SLC36A1: variants seen among roughly 807,000 people sequenced by gnomAD.
SLC36A1 encodes solute carrier family 36 member 1, also known as proton-coupled amino acid transporter 1.
SLC36A1 carries 30 observed loss-of-function variants against 47.5 expected under a neutral mutation model. The ratio of observed to expected loss-of-function variants is 0.63; its 90% CI spans 0.47 to 0.86. The LOEUF (loss-of-function observed/expected upper bound fraction) is 0.86. SLC36A1 is among the 40% of genes least tolerant of loss of function. The probability of loss-of-function intolerance (pLI) is 0.00; values close to 1 mark genes in which losing one functional copy is unlikely to be tolerated. For synonymous variants in SLC36A1, 255 were observed against 249.7 expected, an observed-to-expected ratio of 1.02 and a Z score of -0.20; for missense variants, 517 against 606.0, an observed-to-expected ratio of 0.85 and a Z score of 1.54.
At chr5:151,537,693 GTGAATTCC>G in the SLC36A1 span, 1 of 1,206,194 alleles carries the variant, frequency 8.3e-7, no homozygotes, top group Non-Finnish European at 1.2e-6. Context: ...TGATAGATGA[GTGAATTCC>G]TGTTTCTTCT....
the SLC36A1 span, chr5:151,544,587 T>C: frequency 2.4e-5 from 39 of 1,613,972 alleles, no homozygotes; most frequent in Admixed American, 1.7e-5. Context: ...TATTTTCAGG[T>C]ACTCTGACTT....
the SLC36A1 span, chr5:151,521,829 G>A: frequency 1.2e-5 from 19 of 1,614,174 alleles, no homozygotes; most frequent in East Asian, 2.2e-5. Context: ...CCTGGGCGGC[G>A]ATAATCTTGC....
the SLC36A1 span, chr5:151,550,536 C>A: frequency 1.9e-6 from 3 of 1,578,412 alleles, no homozygotes; most frequent in Middle Eastern, 1.7e-4. Flanking sequence ...AGCATGTCCA[C>A]CCCTACACAT....
chr5:151,402,895 C>G, the SLC36A1 span, among the ~76,000 whole-genome samples: 1 of 152,048 alleles, frequency 6.6e-6, no homozygotes, highest in Non-Finnish European at 1.5e-5. Flanking sequence ...GGTCTTCTCT[C>G]TTTTTCATTA....
intron 6 of SLC36A1, 134 bp downstream of exon 6, chr5:151,467,417 C>T (rs1756592726): frequency 1.5e-6 from 1 of 680,846 alleles, no homozygotes; most frequent in African/African-American, 1.8e-5. Flanking sequence ...TCATATTTTA[C>T]ATAGATCTAC....
At chr5:151,537,736 G>A in the SLC36A1 span, 2 of 1,517,342 alleles carry the variant, frequency 1.3e-6, no homozygotes, top group South Asian at 1.2e-5. Flanking sequence ...ATGGCACTGG[G>A]CACTTGGTAT....
chr5:151,521,586 G>A, the SLC36A1 span: 159 of 1,614,030 alleles, frequency 9.9e-5, no homozygotes, highest in Admixed American at 1.7e-4. Flanking sequence ...GCTGGAGGCT[G>A]GCCAAGTGAA....
At chr5:151,544,610 T>G in the SLC36A1 span, 1 of 1,614,154 alleles carries the variant, frequency 6.2e-7, no homozygotes, top group East Asian at 2.2e-5. Flanking sequence ...TAATAAGGAC[T>G]CTGAAACAGT....
At chr5:151,347,424 C>T in the SLC36A1 span, 2 of 1,614,086 alleles carry the variant, frequency 1.2e-6, no homozygotes, top group African/African-American at 1.3e-5. Flanking sequence ...ATGGCAACGG[C>T]TCCCTGGGGA....
At chr5:151,357,301 T>G in the SLC36A1 span, among the ~76,000 whole-genome samples, 1 of 152,218 alleles carries the variant, frequency 6.6e-6, no homozygotes, top group South Asian at 2.1e-4. Flanking sequence ...GAAAGGTGGT[T>G]GGCTGCCAGT....
At chr5:151,553,402 A>G in the SLC36A1 span, 7 of 1,612,694 alleles carry the variant, frequency 4.3e-6, no homozygotes, top group Non-Finnish European at 5.9e-6. Flanking sequence ...AAGGAGGCCA[A>G]CACCAAAACT....
chr5:151,368,907 C>T, the SLC36A1 span, among the ~76,000 whole-genome samples: 1 of 152,188 alleles, frequency 6.6e-6, no homozygotes, highest in Non-Finnish European at 1.5e-5. Flanking sequence ...ATCTAAATGC[C>T]TTTGCTAAAT....
chr5:151,483,310 A>G (rs1759058627), intron 10 of SLC36A1, among the ~76,000 whole-genome samples: 1 of 152,192 alleles, frequency 6.6e-6, no homozygotes. Context: ...GCAGTTTAAA[A>G]GCTCATATTC....
At chr5:151,468,589 T>C (rs886156132) in intron 7 of SLC36A1, among the ~76,000 whole-genome samples, 2 of 151,140 alleles carry the variant, frequency 1.3e-5, no homozygotes, top group South Asian at 2.1e-4. Context: ...CATTGTGGGG[T>C]GTTTAGCAGC....
In SLC36A1 at chr5:151,489,795, G is replaced by T. The variant is rs1467348182; in HGVS notation, c.*1541G>T. 2 of 152,242 alleles carry T rather than the reference G, an allele frequency of 1.3e-5. No individual in the cohort carries two copies. Among genetic ancestry groups the T allele is most frequent in the Non-Finnish European group, 2.9e-5 (2 of 68,084 alleles). The allele number at this position is 152,242 out of a possible 1,614,324, so 9.4% of individuals were successfully genotyped here. On this transcript the variant is annotated 3_prime_UTR_variant, in exon 11 of 11. Coordinates refer to ENST00000243389, the MANE Select transcript of SLC36A1 (RefSeq NM_078483.4). The surrounding 1 kb of genome is among the most constrained non-coding windows in gnomAD (Gnocchi z 4.5). ...TTTAGCTGTGTATTTGTGCACGTGTGTGTGTACGTGCGTGTGTGTGTGTGT... is the reference window on the plus strand; with the variant it reads ...TTTAGCTGTGTATTTGTGCACGTGTTTGTGTACGTGCGTGTGTGTGTGTGT...
the SLC36A1 span, among the ~76,000 whole-genome samples, chr5:151,533,858 T>C: frequency 2.6e-5 from 4 of 152,080 alleles, no homozygotes; most frequent in Non-Finnish European, 5.9e-5. Flanking sequence ...TAAGCTATAA[T>C]TGGTACAATA....
the SLC36A1 span, chr5:151,380,430 G>T: frequency 2.4e-6 from 1 of 410,076 alleles, no homozygotes; most frequent in East Asian, 5.9e-5. Context: ...GAAGCAGAAA[G>T]AATGGATACT....
chr5:151,490,804 TCAGC>T lies in SLC36A1; in HGVS notation c.*2554_*2557del, dbSNP rs1760047029. 1 of 152,066 alleles carries T rather than the reference TCAGC, an allele frequency of 6.6e-6. No individual in the cohort carries two copies. 9.4% of individuals were successfully genotyped at this position (152,066 alleles called of 1,614,324 possible). A position where few individuals can be genotyped will look rare whatever the true frequency, so the allele number is the denominator to read the frequency against. On this transcript the variant is annotated 3_prime_UTR_variant, in exon 11 of 11. Coordinates refer to ENST00000243389, the MANE Select transcript of SLC36A1 (RefSeq NM_078483.4). The stretch of plus-strand genomic sequence containing the variant: ...CAGCTCTTAGGCATCAAGCAAAGGG[TCAGC>T]CAGTCAGTAGTAGTGGGAGGAAGCC...
chr5:151,526,040 G>A, the SLC36A1 span: 11 of 1,434,158 alleles, frequency 7.7e-6, no homozygotes, highest in South Asian at 2.4e-5. Context: ...GTCTGGGTAT[G>A]TCATCTGGAA....
Sources: gnomAD v4.1 joint callset for allele counts (sites outside exome capture counted in the v4.1 genomes callset) on GRCh38, gnomAD v4.1.1 for gene constraint, Gnocchi (gnomAD v3.1) non-coding constraint, MANE v1.5 for transcripts, NCBI Gene and HGNC (gene_info 2026-07-23, HGNC 2026-07-21) for gene names.